The following ELOVL5 variants were observed in gnomAD, a reference collection of about 807,000 sequenced individuals.
The protein encoded by ELOVL5 is ELOVL fatty acid elongase 5.
A neutral mutation model predicts 38.6 loss-of-function variants in ELOVL5; 8 were observed. The observed-to-expected ratio is 0.21, with a 90% CI of 0.12 to 0.37. The LOEUF (loss-of-function observed/expected upper bound fraction) is 0.37. Among genes scored for constraint, ELOVL5 ranks in the 10% least tolerant of loss-of-function variants. The pLI, the probability that ELOVL5 is intolerant of heterozygous loss-of-function variation, is 1.00. For missense variants in ELOVL5, 280 were observed against 367.8 expected (o/e 0.76, Z 1.95); for synonymous variants, 127 against 133.7 (o/e 0.95, Z 0.34).
chr6:53,304,739 G>A (rs1159356038), intron 1 of ELOVL5, among the ~76,000 whole-genome samples: 1 of 152,198 alleles, frequency 6.6e-6, no homozygotes, highest in African/African-American at 2.4e-5. Flanking sequence ...GCACAGGGTT[G>A]GGGGTAAGGT....
intron 1 of ELOVL5, among the ~76,000 whole-genome samples, chr6:53,301,274 C>T (rs954448211): frequency 2.0e-5 from 3 of 152,142 alleles, no homozygotes; most frequent in South Asian, 2.1e-4. Flanking sequence ...CTCAATAACC[C>T]GAATCACACT....
chr6:53,295,435 T>C (rs12523973), intron 2 of ELOVL5, among the ~76,000 whole-genome samples: 4 of 152,204 alleles, frequency 2.6e-5, no homozygotes, highest in African/African-American at 9.6e-5. Flanking sequence ...AGCATATTTT[T>C]AAACTCCAGT....
rs77578809 is a variant in ELOVL5 at position 53,314,267 on chromosome 6, T to A, written c.-8-18560A>T. Among the ~76,000 whole-genome samples the A allele has an allele frequency of 1.2e-3, 177 of 152,324 alleles. 3 individuals are homozygous for A. In the East Asian group the frequency reaches 0.03, roughly 26 times the overall value. ...TTCTCTGCAAGTACCAAAATTCAACTCTAGGCTGTCATAGAGCCATTTAGC... is the reference window on the plus strand; with the variant it reads ...TTCTCTGCAAGTACCAAAATTCAACACTAGGCTGTCATAGAGCCATTTAGC... On this transcript the variant is annotated intron_variant, in intron 1 of 7. Coordinates refer to ENST00000304434, the MANE Select transcript of ELOVL5 (RefSeq NM_021814.5).
intron 1 of ELOVL5, among the ~76,000 whole-genome samples, chr6:53,300,161 T>C (rs968341852): frequency 1.1e-4 from 16 of 152,086 alleles, no homozygotes; most frequent in African/African-American, 3.6e-4. Context: ...ACACCCACAA[T>C]TGGATATATA....
chr6:53,331,769 T>C (rs1581990413), intron 1 of ELOVL5, among the ~76,000 whole-genome samples: 2 of 152,244 alleles, frequency 1.3e-5, no homozygotes, highest in Non-Finnish European at 2.9e-5. Context: ...GAATAAATCT[T>C]ACACTAAATA....
rs370095601 is a variant in ELOVL5, at chr6:53,323,675, C to T, written c.-9+25142G>A. On this transcript the variant is annotated intron_variant, in intron 1 of 7. Coordinates refer to ENST00000304434, the MANE Select transcript of ELOVL5 (RefSeq NM_021814.5). ...TCGGCTCACCGCAACCTCCGCCTCC[C>T]GAGTTCAAGCGATTCTCCTGCCTCA... is the stretch of plus-strand genomic sequence containing the variant. Among the ~76,000 whole-genome samples the T allele has an allele frequency of 4.0e-5, 6 of 151,106 alleles. 1 individual carries two copies. The highest frequency in any genetic ancestry group is 1.5e-4 in the African/African-American group (6 of 41,074).
intron 1 of ELOVL5, among the ~76,000 whole-genome samples, chr6:53,305,689 G>A (rs1472100590): frequency 1.3e-5 from 2 of 150,774 alleles, no homozygotes; most frequent in South Asian, 2.1e-4. Context: ...GTAGGATGGC[G>A]GCCGGGCAGA....
chr6:53,269,391 A>C, intron 7 of ELOVL5, 121 bp from the exon 8 acceptor site: 1 of 674,112 alleles, frequency 1.5e-6, no homozygotes, highest in Non-Finnish European at 2.2e-6. Context: ...TCAAGGAGAA[A>C]CTCCTGAGGT....
Position 53,276,222 on chromosome 6 carries a change from A to T in ELOVL5, c.281T>A (p.Phe94Tyr), listed in dbSNP as rs1390407685. 1.9e-6 allele frequency: 3 copies of T among 1,613,682 alleles called. No homozygotes were observed. Among genetic ancestry groups the T allele is most frequent in the East Asian group, 4.5e-5 (2 of 44,880 alleles). Reference protein sequence around the residue: ...VTGVWEGKYNFFCQGTRTAGE... With the variant: ...VTGVWEGKYNYFCQGTRTAGE... ...TGCGGTGCGTGTGCCCTGACAGAAG[A>T]AGTTGTATTTGCCTTCCCATACTCC... The change falls in exon 4 of 8, where the codon TTC becomes TAC. Residue 94 changes from phenylalanine (F) to tyrosine (Y), a missense_variant. By Grantham distance (22) the Phe-to-Tyr change is conservative (BLOSUM62 3). Transcript: ENST00000304434.
At chr6:53,327,786 C>A (rs1768614474) in intron 1 of ELOVL5, among the ~76,000 whole-genome samples, 1 of 152,174 alleles carries the variant, frequency 6.6e-6, no homozygotes, top group Admixed American at 6.5e-5. Flanking sequence ...TACTCTGGAT[C>A]TTTTCCCGTT....
chr6:53,270,426 T>G (rs1385838344), intron 7 of ELOVL5, among the ~76,000 whole-genome samples, 167 bp downstream of exon 7: 1 of 152,170 alleles, frequency 6.6e-6, no homozygotes, highest in Non-Finnish European at 1.5e-5. Flanking sequence ...TGTCTTCCAG[T>G]GAGCTGTGAG....
chr6:53,303,058 ATTC>A (rs1475158471), intron 1 of ELOVL5, among the ~76,000 whole-genome samples: 3 of 152,212 alleles, frequency 2.0e-5, no homozygotes, highest in African/African-American at 7.2e-5. Flanking sequence ...GCATGGGAAC[ATTC>A]TTCAAGTTGG....
At position 53,305,509 on chromosome 6, in the gene ELOVL5, T is replaced by G. The variant is rs1402969583; in HGVS notation, c.-8-9802A>C. 6.5e-4 allele frequency among the ~76,000 whole-genome samples: 94 copies of G among 144,840 alleles called. 2 individuals carry two copies. The highest frequency in any genetic ancestry group is 2.4e-3 in the African/African-American group (92 of 38,246). On this transcript the variant is annotated intron_variant, in intron 1 of 7. Coordinates refer to ENST00000304434, the MANE Select transcript of ELOVL5 (RefSeq NM_021814.5). ...CGGGGCAGTTGCCAGGCGGAGGGTC[T>G]CCTCACTTCTCAGACGGGGCGGCCG...
At chr6:53,309,299 C>CTGCT (rs1767727707) in intron 1 of ELOVL5, among the ~76,000 whole-genome samples, 1 of 152,064 alleles carries the variant, frequency 6.6e-6, no homozygotes, top group South Asian at 2.1e-4. Flanking sequence ...TGCTGACAGG[C>CTGCT]TGCTGCTGCT....
intron 1 of ELOVL5, among the ~76,000 whole-genome samples, chr6:53,316,077 T>C (rs558498441): frequency 6.6e-6 from 1 of 152,212 alleles, no homozygotes; most frequent in Non-Finnish European, 1.5e-5. Context: ...TTAAATGAGA[T>C]AATAAAATTG....
intron 1 of ELOVL5, among the ~76,000 whole-genome samples, chr6:53,323,502 G>C (rs1768378900): frequency 6.7e-6 from 1 of 150,300 alleles, no homozygotes; most frequent in African/African-American, 2.4e-5. Context: ...TCTCAGTGAA[G>C]CTATGACTAA....
Position 53,348,934 on chromosome 6 carries a change from C to T in ELOVL5, c.-126G>A, listed in dbSNP as rs1211329810. The T allele has an allele frequency of 4.6e-6, 2 of 437,048 alleles. No homozygotes were observed. Among genetic ancestry groups the T allele is most frequent in the East Asian group, 7.8e-5 (1 of 12,832 alleles). 27.1% of individuals were successfully genotyped at this position (437,048 alleles called of 1,614,324 possible). A position where few individuals can be genotyped will look rare whatever the true frequency, so the allele number is the denominator to read the frequency against. ...AGAAGGAGACACCGGTGGCTAGGAC[C>T]CGCGCGATGGGAAGAGGAAGGCGCC... On this transcript the variant is annotated 5_prime_UTR_variant, in exon 1 of 8. Coordinates refer to ENST00000304434, the MANE Select transcript of ELOVL5 (RefSeq NM_021814.5).
intron 1 of ELOVL5, among the ~76,000 whole-genome samples, chr6:53,307,645 G>A (rs777455526): frequency 6.6e-6 from 1 of 152,104 alleles, no homozygotes; most frequent in Non-Finnish European, 1.5e-5. Context: ...TTTCTATTTG[G>A]CATGGACTCA....
At chr6:53,295,526 T>C in intron 2 of ELOVL5, 116 bp downstream of exon 2, 1 of 738,330 alleles carries the variant, frequency 1.4e-6, no homozygotes, top group Non-Finnish European at 2.2e-6. Context: ...GATAAAGTTT[T>C]AGACTTATCA....
Sources: allele counts gnomAD v4.1 joint callset (sites outside exome capture counted in the v4.1 genomes callset), GRCh38; gene constraint gnomAD v4.1.1; transcripts MANE v1.5; gene names NCBI Gene and HGNC (gene_info 2026-07-23, HGNC 2026-07-21).